The following PDE4B variants were observed in gnomAD, a reference collection of about 807,000 sequenced individuals.
The protein encoded by PDE4B is 3',5'-cyclic-AMP phosphodiesterase 4B.
PDE4B carries 20 observed loss-of-function variants against 82.2 expected under a neutral mutation model. The observed-to-expected ratio is 0.24, with a 90% confidence interval of 0.17 to 0.35. PDE4B has a LOEUF of 0.35. Among genes scored for constraint, PDE4B ranks in the 10% least tolerant of loss-of-function variants. The pLI is 1.00. For missense variants in PDE4B, 655 were observed against 907.2 expected (o/e 0.72, Z 3.57); for synonymous variants, 320 against 318.9 (o/e 1.00, Z -0.04).
intron 4 of PDE4B, among the ~76,000 whole-genome samples, chr1:66,251,480 C>T (rs2101686241): frequency 6.6e-6 from 1 of 152,276 alleles, no homozygotes; most frequent in South Asian, 2.1e-4. Context: ...TTCATTCTCT[C>T]TTTTAATAAG....
chr1:65,931,845 A>C (rs1240628003), intron 3 of PDE4B, among the ~76,000 whole-genome samples: 11 of 152,202 alleles, frequency 7.2e-5, no homozygotes, highest in Non-Finnish European at 1.2e-4. Flanking sequence ...ACACTCTTCC[A>C]ACTTCTTCCT....
intron 1 of PDE4B, among the ~76,000 whole-genome samples, chr1:65,842,428 A>G (rs1412666203): frequency 6.6e-6 from 1 of 152,142 alleles, no homozygotes; most frequent in South Asian, 2.1e-4. Context: ...TGAGTGGTAT[A>G]ATAAAACATG....
At chr1:66,338,413 TA>T (rs1660685783) in intron 8 of PDE4B, among the ~76,000 whole-genome samples, 1 of 152,214 alleles carries the variant, frequency 6.6e-6, no homozygotes, top group South Asian at 2.1e-4. Context: ...TTATATTCTG[TA>T]GCTACCATAC....
intron 3 of PDE4B, among the ~76,000 whole-genome samples, chr1:66,046,477 A>G (rs1429587301): frequency 6.6e-6 from 1 of 151,792 alleles, no homozygotes; most frequent in African/African-American, 2.4e-5. Flanking sequence ...ATCTGTACTC[A>G]TTCTAATATC....
At chr1:66,243,484 A>C (rs1201215244) in intron 3 of PDE4B, among the ~76,000 whole-genome samples, 1 of 152,230 alleles carries the variant, frequency 6.6e-6, no homozygotes, top group Admixed American at 6.5e-5. Flanking sequence ...GAGAATTAAA[A>C]CAGAATTGCA....
At chr1:65,856,842 G>T (rs114285152) in intron 1 of PDE4B, among the ~76,000 whole-genome samples, 1 of 152,258 alleles carries the variant, frequency 6.6e-6, no homozygotes, top group African/African-American at 2.4e-5. Flanking sequence ...GCGTTTGCTT[G>T]GCTTGGCCTC....
intron 3 of PDE4B, among the ~76,000 whole-genome samples, chr1:66,065,845 T>C (rs7520311): frequency 6.6e-6 from 1 of 151,900 alleles, no homozygotes; most frequent in Non-Finnish European, 1.5e-5. Flanking sequence ...AATATACATA[T>C]GCATGTTGTA....
chr1:65,818,579 A>G (rs1279397505), intron 1 of PDE4B, among the ~76,000 whole-genome samples: 1 of 151,664 alleles, frequency 6.6e-6, no homozygotes, highest in African/African-American at 2.4e-5. Flanking sequence ...GGAGATTCTC[A>G]AAGGCCAGAA....
chr1:66,123,045 C>G (rs2101084624), intron 3 of PDE4B, among the ~76,000 whole-genome samples: 1 of 152,066 alleles, frequency 6.6e-6, no homozygotes, highest in South Asian at 2.1e-4. Context: ...GACCATTTAT[C>G]TGTTTCTCTT....
At chr1:65,970,660 C>T (rs1650082007) in intron 3 of PDE4B, among the ~76,000 whole-genome samples, 1 of 152,040 alleles carries the variant, frequency 6.6e-6, no homozygotes, top group Non-Finnish European at 1.5e-5. Flanking sequence ...CTACTGAGCA[C>T]AATGGAAATA....
At chr1:65,953,748 T>C (rs2100577642) in intron 3 of PDE4B, among the ~76,000 whole-genome samples, 2 of 152,238 alleles carry the variant, frequency 1.3e-5, no homozygotes, top group Middle Eastern at 3.4e-3. Flanking sequence ...TTTTAAAAAA[T>C]GTGTACATAT....
chr1:66,341,771 T>A (rs1661002922), intron 8 of PDE4B, among the ~76,000 whole-genome samples: 2 of 152,234 alleles, frequency 1.3e-5, no homozygotes, highest in Non-Finnish European at 2.9e-5. Context: ...CTCTGCCACT[T>A]TGCAGAGCTG....
intron 1 of PDE4B, among the ~76,000 whole-genome samples, chr1:65,832,705 A>C (rs1646096258): frequency 6.6e-6 from 1 of 152,216 alleles, no homozygotes; most frequent in Non-Finnish European, 1.5e-5. Flanking sequence ...GGTAGGATAG[A>C]AGTCAACTTT....
At chr1:66,294,694 T>A (rs1030801809) in intron 7 of PDE4B, among the ~76,000 whole-genome samples, 2 of 152,272 alleles carry the variant, frequency 1.3e-5, no homozygotes, top group African/African-American at 4.8e-5. Context: ...CTATTTTTTT[T>A]ATTAATTCAG....
At chr1:66,305,819 A>G (rs924465614) in intron 7 of PDE4B, among the ~76,000 whole-genome samples, 1 of 152,182 alleles carries the variant, frequency 6.6e-6, no homozygotes, top group Non-Finnish European at 1.5e-5. Flanking sequence ...TTATTCTTTT[A>G]TCCTTCATCT....
chr1:66,145,422 G>T (rs1388083786), intron 3 of PDE4B, among the ~76,000 whole-genome samples: 1 of 152,166 alleles, frequency 6.6e-6, no homozygotes, highest in East Asian at 1.9e-4. Flanking sequence ...AGTGGGCAAG[G>T]CTACTATTTC....
chr1:66,021,558 A>G (rs183995616), intron 3 of PDE4B, among the ~76,000 whole-genome samples: 187 of 152,304 alleles, frequency 1.2e-3, no homozygotes, highest in Non-Finnish European at 2.3e-3. Flanking sequence ...TCCCAGCACC[A>G]TTTATTAAAT....
chr1:66,210,613 A>G (rs554764280), intron 3 of PDE4B, among the ~76,000 whole-genome samples: 156 of 150,668 alleles, frequency 1.0e-3, no homozygotes, highest in Middle Eastern at 3.4e-3. Flanking sequence ...AAAAAAAAAA[A>G]AAAAAAGAAA....
rs553608255 is a variant in PDE4B, at chr1:66,026,762, A to G, written c.281+107927A>G. ...CTCCACTTCAATTTCTGTAAGCTTTATTTCAGACTTTGGTCACAAAACAAA... is the reference window on the plus strand; with the variant it reads ...CTCCACTTCAATTTCTGTAAGCTTTGTTTCAGACTTTGGTCACAAAACAAA... On this transcript the variant is annotated intron_variant, in intron 3 of 16. Coordinates refer to ENST00000341517, the MANE Select transcript of PDE4B (RefSeq NM_002600.4). 9.2e-5 allele frequency among the ~76,000 whole-genome samples: 14 copies of G among 152,322 alleles called. No individual in the cohort carries two copies. The South Asian group carries it at 1.0e-3, about 11-fold the overall frequency.
Sources: gnomAD v4.1 joint callset for allele counts (sites outside exome capture counted in the v4.1 genomes callset) on GRCh38, gnomAD v4.1.1 for gene constraint, MANE v1.5 for transcripts, NCBI Gene and HGNC (gene_info 2026-07-23, HGNC 2026-07-21) for gene names.